CCDC85C: variants seen among roughly 807,000 people sequenced by gnomAD.
CCDC85C encodes the protein coiled-coil domain-containing protein 85C.
In CCDC85C, 18 loss-of-function variants were observed where a neutral mutation model predicts 38.3. That is an observed-to-expected ratio of 0.47 (90% CI 0.33 to 0.70). The LOEUF (loss-of-function observed/expected upper bound fraction) is 0.70. Among genes scored for constraint, CCDC85C ranks in the 30% least tolerant of loss-of-function variants. The pLI, the probability that CCDC85C is intolerant of heterozygous loss-of-function variation, is 0.03. For synonymous variants in CCDC85C, 264 were observed against 293.8 expected (o/e 0.90, Z 1.04); for missense variants, 566 against 621.2 (o/e 0.91, Z 0.94).
chr14:99,552,857 G>A (rs987470630), intron 1 of CCDC85C, among the ~76,000 whole-genome samples: 3 of 152,206 alleles, frequency 2.0e-5, no homozygotes, highest in Admixed American at 1.3e-4. Flanking sequence ...TGGAAAACCC[G>A]GTGCTTCCTG....
chr14:99,541,044 G>A (rs1897702702), intron 1 of CCDC85C, among the ~76,000 whole-genome samples: 1 of 152,088 alleles, frequency 6.6e-6, no homozygotes, highest in African/African-American at 2.4e-5. Context: ...CTCCCCTCCA[G>A]ACTTTGCTGT....
chr14:99,600,695 G>A (rs1049860324), intron 1 of CCDC85C, among the ~76,000 whole-genome samples: 14 of 110,306 alleles, frequency 1.3e-4, no homozygotes, highest in African/African-American at 3.7e-4. Flanking sequence ...CTGTCAAATG[G>A]GGATAATACT....
chr14:99,596,530 G>A lies in CCDC85C; in HGVS notation c.793+6637C>T, dbSNP rs528799387. 1.1e-4 allele frequency among the ~76,000 whole-genome samples: 17 copies of A among 152,330 alleles called. No individual in the cohort carries two copies. The East Asian group carries it at 1.2e-3, about 10-fold the overall frequency. On this transcript the variant is annotated intron_variant, in intron 1 of 5. Transcript: ENST00000380243. The stretch of plus-strand genomic sequence containing the variant: ...CTCCCCTCAAGAGCTGGAGGTCAGC[G>A]GTGACCTGCTGAAGAACAGGCACCC...
chr14:99,600,315 G>A (rs2055185918), intron 1 of CCDC85C, among the ~76,000 whole-genome samples: 1 of 152,228 alleles, frequency 6.6e-6, no homozygotes, highest in Non-Finnish European at 1.5e-5. Flanking sequence ...GAGGAGCACA[G>A]AGAGGCTTGG....
intron 1 of CCDC85C, among the ~76,000 whole-genome samples, chr14:99,584,062 TTTC>T (rs1274820321): frequency 1.3e-5 from 2 of 152,006 alleles, no homozygotes; most frequent in African/African-American, 4.8e-5. Flanking sequence ...GCAACTTTTT[TTTC>T]TTCTTTTTAG....
rs1444135276 is a variant in CCDC85C, at chr14:99,502,580, A to G, written c.*12666T>C. ...AACTAAAAATACACACCAGTGTTGC[A>G]CACAACGAAGATGGGGTGAGTTGTA... is the stretch of plus-strand genomic sequence containing the variant. On this transcript the variant is annotated 3_prime_UTR_variant, in exon 6 of 6. Transcript: ENST00000380243. 6.6e-6 allele frequency: 8 copies of G among 1,204,228 alleles called. No homozygotes were observed. The highest frequency in any genetic ancestry group is 9.3e-6 in the Non-Finnish European group (8 of 861,122). The allele number at this position is 1,204,228 out of a possible 1,614,324, so 74.6% of individuals were successfully genotyped here. A position where few individuals can be genotyped will look rare whatever the true frequency, so the allele number is the denominator to read the frequency against.
Position 99,515,128 on chromosome 14 carries a change from C to T in CCDC85C, c.*118G>A, listed in dbSNP as rs1285176717. The stretch of plus-strand genomic sequence containing the variant: ...GCCAGGGCGGGCAGCGTCCTATGTA[C>T]AGTTCACCACAGAGGAAGAAGACAG... On this transcript the variant is annotated 3_prime_UTR_variant, in exon 6 of 6. Coordinates refer to ENST00000380243, the MANE Select transcript of CCDC85C (RefSeq NM_001144995.2). 5.5e-6 allele frequency: 4 copies of T among 726,792 alleles called. No homozygotes were observed. Among genetic ancestry groups the T allele is most frequent in the Non-Finnish European group, 9.1e-6 (4 of 440,798 alleles). 45.0% of individuals were successfully genotyped at this position (726,792 alleles called of 1,614,324 possible).
intron 1 of CCDC85C, among the ~76,000 whole-genome samples, chr14:99,565,088 C>T (rs1054909570): frequency 6.6e-6 from 1 of 152,192 alleles, no homozygotes; most frequent in Admixed American, 6.5e-5. Flanking sequence ...TAGTCATGGG[C>T]CGGTGAGCTC....
At chr14:99,556,411 C>T (rs747485097) in intron 1 of CCDC85C, among the ~76,000 whole-genome samples, 3 of 152,214 alleles carry the variant, frequency 2.0e-5, no homozygotes, top group Admixed American at 6.5e-5. Context: ...GAGACCCTGT[C>T]TCTTAAAAAA....
At chr14:99,575,339 G>A (rs57773806) in intron 1 of CCDC85C, among the ~76,000 whole-genome samples, 12,165 of 152,174 alleles carry the variant, frequency 0.08, 796 homozygotes, top group African/African-American at 0.18. Flanking sequence ...TCCCCCTGCC[G>A]CCAGGGCCTC....
At chr14:99,527,959 G>C (rs940465689) in intron 2 of CCDC85C, among the ~76,000 whole-genome samples, 1 of 152,210 alleles carries the variant, frequency 6.6e-6, no homozygotes, top group African/African-American at 2.4e-5. Flanking sequence ...AGCCCTCGGG[G>C]GCGGTCGCTG....
In CCDC85C at chr14:99,542,957, T is replaced by TACCGCAACTCCAGG. The variant is rs547015192; in HGVS notation, c.794-6883_794-6870dup. Among the ~76,000 whole-genome samples the TACCGCAACTCCAGG allele has an allele frequency of 6.0e-4, 91 of 152,274 alleles. 1 individual carries two copies. In the East Asian group the frequency reaches 7.5e-3, roughly 13 times the overall value. ...CCATCTTCTCGAGGGACTTGGGAGA[T>TACCGCAACTCCAGG]ACCGCAACTCCAGGCCTGCCTACTC... On this transcript the variant is annotated intron_variant, in intron 1 of 5. Coordinates refer to ENST00000380243, the MANE Select transcript of CCDC85C (RefSeq NM_001144995.2).
Position 99,500,895 on chromosome 14 carries a change from A to G in CCDC85C, c.*14351T>C. The G allele has an allele frequency of 7.4e-7, 1 of 1,343,582 alleles. No individual in the cohort carries two copies. Among genetic ancestry groups the G allele is most frequent in the Non-Finnish European group, 1.0e-6 (1 of 972,382 alleles). The allele number at this position is 1,343,582 out of a possible 1,614,324, so 83.2% of individuals were successfully genotyped here. A position where few individuals can be genotyped will look rare whatever the true frequency, so the allele number is the denominator to read the frequency against. ...AGGTAAGAAGAAAGTTTTCAGAAGA[A>G]TTTTTTCATTCTGAAATCAAGTCTT... On this transcript the variant is annotated 3_prime_UTR_variant, in exon 6 of 6. Transcript: ENST00000380243.
rs1358366452 is a variant in CCDC85C at position 99,500,489 on chromosome 14, AT to A, written c.*14756del. The A allele has an allele frequency of 6.2e-6, 2 of 324,628 alleles. No homozygotes were observed. Among genetic ancestry groups the A allele is most frequent in the African/African-American group, 4.4e-5 (2 of 45,344 alleles). 20.1% of individuals were successfully genotyped at this position (324,628 alleles called of 1,614,324 possible). ...AGATCTGTTTTGTAAAGGGAGACTCATGTATGTATTGAAAATAATAATATTT... is the reference window on the plus strand; with the variant it reads ...AGATCTGTTTTGTAAAGGGAGACTCAGTATGTATTGAAAATAATAATATTT... On this transcript the variant is annotated 3_prime_UTR_variant, in exon 6 of 6. Transcript: ENST00000380243.
Position 99,500,825 on chromosome 14 carries a change from A to G in CCDC85C, c.*14421T>C. The G allele has an allele frequency of 6.4e-7, 1 of 1,566,914 alleles. No homozygotes were observed. The highest frequency in any genetic ancestry group is 8.7e-7 in the Non-Finnish European group (1 of 1,154,228). On this transcript the variant is annotated 3_prime_UTR_variant, in exon 6 of 6. Coordinates refer to ENST00000380243, the MANE Select transcript of CCDC85C (RefSeq NM_001144995.2). Reference sequence around the variant, plus strand: ...AGACCATCAAGTTTGATTTACAGGTAGAACATCCATACCAGTTCCTACTAA... The same window carrying G: ...AGACCATCAAGTTTGATTTACAGGTGGAACATCCATACCAGTTCCTACTAA...
intron 1 of CCDC85C, among the ~76,000 whole-genome samples, chr14:99,566,726 GGC>G (rs1346342509): frequency 3.9e-5 from 6 of 152,160 alleles, no homozygotes; most frequent in Admixed American, 1.3e-4. Context: ...CACGTCCACT[GGC>G]CACCATGGCA....
chr14:99,551,859 G>C (rs565000607), intron 1 of CCDC85C, among the ~76,000 whole-genome samples: 25 of 152,294 alleles, frequency 1.6e-4, no homozygotes, highest in Admixed American at 7.8e-4. Flanking sequence ...AGCCTCTAGG[G>C]AAAAGGGCTC....
At chr14:99,556,931 A>G (rs1009912756) in intron 1 of CCDC85C, among the ~76,000 whole-genome samples, 17 of 151,404 alleles carry the variant, frequency 1.1e-4, no homozygotes, top group Non-Finnish European at 2.5e-4. Flanking sequence ...AAGTCCAGAG[A>G]GAGAATGATA....
At chr14:99,562,877 GCA>G (rs149834853) in intron 1 of CCDC85C, among the ~76,000 whole-genome samples, 5 of 150,976 alleles carry the variant, frequency 3.3e-5, no homozygotes, top group South Asian at 2.1e-4. Flanking sequence ...ACACCCATAT[GCA>G]CACACACACA....
Sources: gnomAD v4.1 joint callset for allele counts (sites outside exome capture counted in the v4.1 genomes callset) on GRCh38, gnomAD v4.1.1 for gene constraint, MANE v1.5 for transcripts, NCBI Gene and HGNC (gene_info 2026-07-23, HGNC 2026-07-21) for gene names.